RBFOX1: variants seen among roughly 807,000 people sequenced by gnomAD.
The protein encoded by RBFOX1 is RNA binding protein fox-1 homolog 1.
Under a neutral mutation model 57.7 loss-of-function variants are expected in RBFOX1, and 8 were observed. The observed-to-expected ratio is 0.14, with a 90% confidence interval of 0.08 to 0.25. The LOEUF (loss-of-function observed/expected upper bound fraction) is 0.25, where lower values mean the gene tolerates loss of function less well. RBFOX1 is among the 10% of genes least tolerant of loss of function. The pLI, the probability that RBFOX1 is intolerant of heterozygous loss-of-function variation, is 1.00. For synonymous variants in RBFOX1, 326 were observed against 222.4 expected (o/e 1.47, Z -4.15); for missense variants, 611 against 548.5 (o/e 1.11, Z -1.14).
chr16:6,523,250 G>A (rs965118647), intron 2 of RBFOX1, among the ~76,000 whole-genome samples: 13 of 152,006 alleles, frequency 8.6e-5, no homozygotes, highest in Non-Finnish European at 1.5e-4. Flanking sequence ...CCTGAGGAGG[G>A]AAGGAAGAGA....
intron 2 of RBFOX1, among the ~76,000 whole-genome samples, chr16:6,562,084 C>T (rs1024108966): frequency 1.3e-5 from 2 of 152,154 alleles, no homozygotes; most frequent in South Asian, 4.1e-4. Flanking sequence ...TGATGTTCAG[C>T]TGCATTTCTA....
chr16:7,271,289 G>A (rs906830634), intron 4 of RBFOX1, among the ~76,000 whole-genome samples: 1 of 151,414 alleles, frequency 6.6e-6, no homozygotes, highest in African/African-American at 2.4e-5. Context: ...ACATTCACAG[G>A]CATCTTCCTA....
At position 7,229,509 on chromosome 16, in the gene RBFOX1, GGGAAA is replaced by G. The variant is rs201844791; in HGVS notation, c.27+177420_27+177424del. Among the ~76,000 whole-genome samples the G allele has an allele frequency of 4.3e-3, 645 of 150,618 alleles. 4 individuals are homozygous for G. The highest frequency in any genetic ancestry group is 0.014 in the African/African-American group (585 of 40,848). ...TTATGGGAAGGCAGGAAGGAAGGAA[GGGAAA>G]GGAAAGGAGAGGAGAGGGAGGAAGG... On this transcript the variant is annotated intron_variant, in intron 4 of 15. Coordinates refer to ENST00000550418, the MANE Select transcript of RBFOX1 (RefSeq NM_018723.4).
chr16:7,169,902 C>A (rs1223499292), intron 4 of RBFOX1, among the ~76,000 whole-genome samples: 1 of 151,932 alleles, frequency 6.6e-6, no homozygotes, highest in Admixed American at 6.6e-5. Context: ...AAGACCCTAT[C>A]TCTACAAAAA....
chr16:5,435,381 C>G (rs10220925), intron 1 of RBFOX1, among the ~76,000 whole-genome samples: 3,199 of 152,140 alleles, frequency 0.021, 121 homozygotes, highest in African/African-American at 0.073. Context: ...ATCTGTGAGG[C>G]TTTGCTTTAG....
In RBFOX1 at chr16:6,556,934, C is replaced by G. The variant is rs149508757; in HGVS notation, c.-63-97669C>G. Among the ~76,000 whole-genome samples, 623 of 150,280 alleles carry G rather than the reference C, an allele frequency of 4.1e-3. 3 individuals carry two copies. Among genetic ancestry groups the G allele is most frequent in the Non-Finnish European group, 7.2e-3 (485 of 67,746 alleles). ...GAGTTGAGGTTTTTGTCATCCATTG[C>G]TGAGCCATGTATTAAATATTCATTA... is the stretch of plus-strand genomic sequence containing the variant. On this transcript the variant is annotated intron_variant, in intron 2 of 15. Transcript: ENST00000550418.
chr16:7,282,492 T>C (rs553779470), intron 4 of RBFOX1, among the ~76,000 whole-genome samples: 2 of 152,310 alleles, frequency 1.3e-5, no homozygotes, highest in Admixed American at 6.5e-5. Context: ...AGGTGGATTT[T>C]CTGCTGCCTT....
Position 5,557,721 on chromosome 16 carries a change from A to G in RBFOX1, c.259-41181A>G, listed in dbSNP as rs187318229. Among the ~76,000 whole-genome samples, 6 of 152,336 alleles carry G rather than the reference A, an allele frequency of 3.9e-5. No homozygotes were observed. In the East Asian group the frequency reaches 9.7e-4, roughly 25 times the overall value. On this transcript the variant is annotated intron_variant, in intron 2 of 2. Transcript: ENST00000585867. ...AGGGAACAGGGAACTACTTGGTAGAAGAGGGTGGTACCCAGGTGGGGCAAA... is the reference window on the plus strand; with the variant it reads ...AGGGAACAGGGAACTACTTGGTAGAGGAGGGTGGTACCCAGGTGGGGCAAA...
At chr16:6,232,770 G>A (rs1255123764) in intron 1 of RBFOX1, among the ~76,000 whole-genome samples, 1 of 152,086 alleles carries the variant, frequency 6.6e-6, no homozygotes, top group Admixed American at 6.5e-5. Flanking sequence ...GTGACCTCGA[G>A]GTCTTGCTCA....
intron 3 of RBFOX1, among the ~76,000 whole-genome samples, chr16:5,648,841 A>T (rs539997014): frequency 1.3e-5 from 2 of 152,222 alleles, no homozygotes; most frequent in East Asian, 3.9e-4. Context: ...AAGCAGGCGG[A>T]TCACTTGAGG....
intron 2 of RBFOX1, among the ~76,000 whole-genome samples, chr16:6,432,439 A>T (rs1002852556): frequency 6.6e-6 from 1 of 151,814 alleles, no homozygotes; most frequent in African/African-American, 2.4e-5. Flanking sequence ...TGGGAGGGCA[A>T]GGCGGGCGGA....
At chr16:6,030,244 G>T (rs1237652617) in intron 1 of RBFOX1, among the ~76,000 whole-genome samples, 2 of 152,218 alleles carry the variant, frequency 1.3e-5, no homozygotes, top group Non-Finnish European at 2.9e-5. Flanking sequence ...TGAGGACTCT[G>T]TTGGCTATTA....
chr16:7,268,281 A>T (rs984925541), intron 4 of RBFOX1, among the ~76,000 whole-genome samples: 2 of 152,202 alleles, frequency 1.3e-5, no homozygotes. Context: ...TTTTCAAAAT[A>T]TTTTGGGTGC....
At chr16:7,044,482 C>G (rs1157516448) in intron 3 of RBFOX1, among the ~76,000 whole-genome samples, 1 of 152,070 alleles carries the variant, frequency 6.6e-6, no homozygotes, top group African/African-American at 2.4e-5. Context: ...AAGATGAATC[C>G]CTGCTATTAA....
rs1162406481 is a variant in RBFOX1, at chr16:5,946,986, A to G, written c.351+79651A>G. ...TAGCACTTAGGGAGGCAGAAGTAGG[A>G]GGATTGCTTGAGGCCAGGAGTTTGA... On this transcript the variant is annotated intron_variant, in intron 4 of 19. Transcript: ENST00000641259. This position sits in a 1 kb window ranked among gnomAD's most constrained non-coding sequence, Gnocchi z 4.6. Among the ~76,000 whole-genome samples, 1 of 152,200 alleles carries G rather than the reference A, an allele frequency of 6.6e-6. No individual in the cohort carries two copies. The highest frequency in any genetic ancestry group is 1.5e-5 in the Non-Finnish European group (1 of 68,034).
chr16:6,336,154 C>CATATATATATATATAT (rs768962177), intron 2 of RBFOX1, among the ~76,000 whole-genome samples: 13 of 43,250 alleles, frequency 3.0e-4, no homozygotes, highest in Admixed American at 1.0e-3. Flanking sequence ...TATACATATA[C>CATATATATATATATAT]ATATATATAT....
intron 1 of RBFOX1, among the ~76,000 whole-genome samples, chr16:6,117,923 G>T (rs1414162103): frequency 6.6e-6 from 1 of 152,178 alleles, no homozygotes; most frequent in Non-Finnish European, 1.5e-5. Flanking sequence ...AGTGAAAGCA[G>T]TAATTTTGTT....
intron 2 of RBFOX1, among the ~76,000 whole-genome samples, chr16:6,399,066 A>C (rs1158006172): frequency 1.3e-5 from 2 of 152,208 alleles, no homozygotes; most frequent in African/African-American, 4.8e-5. Flanking sequence ...CAGGAGCAAT[A>C]CCACGTGAAA....
At chr16:5,987,447 C>T (rs1485757996) in intron 4 of RBFOX1, among the ~76,000 whole-genome samples, 1 of 152,158 alleles carries the variant, frequency 6.6e-6, no homozygotes, top group Non-Finnish European at 1.5e-5. Flanking sequence ...AAGCTCTTTG[C>T]CTAGCCCTAG....
Sources: gnomAD v4.1 joint callset for allele counts (sites outside exome capture counted in the v4.1 genomes callset) on GRCh38, gnomAD v4.1.1 for gene constraint, Gnocchi (gnomAD v3.1) non-coding constraint, MANE v1.5 for transcripts, NCBI Gene and HGNC (gene_info 2026-07-23, HGNC 2026-07-21) for gene names.